RBMS3: variants seen among roughly 807,000 people sequenced by gnomAD.
The protein encoded by RBMS3 is RNA-binding motif, single-stranded-interacting protein 3.
RBMS3 carries 27 observed loss-of-function variants against 66.8 expected under a neutral mutation model. The ratio of observed to expected loss-of-function variants is 0.40; its 90% confidence interval spans 0.30 to 0.56. RBMS3 has a LOEUF of 0.56. RBMS3 is among the 20% of genes least tolerant of loss of function. The pLI, the probability that RBMS3 is intolerant of heterozygous loss-of-function variation, is 0.40. For synonymous variants in RBMS3, 188 were observed against 183.0 expected, an observed-to-expected ratio of 1.03 and a Z score of -0.22; for missense variants, 513 against 549.5, an observed-to-expected ratio of 0.93 and a Z score of 0.66.
At chr3:29,836,781 C>CTATA (rs34553455) in intron 6 of RBMS3, among the ~76,000 whole-genome samples, 7,834 of 145,890 alleles carry the variant, frequency 0.054, 241 homozygotes, top group African/African-American at 0.081. Flanking sequence ...AACCATTTCA[C>CTATA]TATATATATA....
At chr3:29,580,899 T>A (rs1380088716) in intron 3 of RBMS3, among the ~76,000 whole-genome samples, 1 of 152,122 alleles carries the variant, frequency 6.6e-6, no homozygotes, top group Non-Finnish European at 1.5e-5. Flanking sequence ...CCCATGTTAT[T>A]TTACTCTGTT....
At chr3:29,889,069 A>G (rs766592321) in intron 8 of RBMS3, among the ~76,000 whole-genome samples, 1 of 151,728 alleles carries the variant, frequency 6.6e-6, no homozygotes, top group Non-Finnish European at 1.5e-5. Context: ...TAACTACAGA[A>G]CAACACTCAA....
chr3:29,922,283 C>T (rs867183953), intron 10 of RBMS3, among the ~76,000 whole-genome samples: 19 of 151,506 alleles, frequency 1.3e-4, no homozygotes, highest in Non-Finnish European at 2.1e-4. Flanking sequence ...GTCAGGAGAT[C>T]GAGACCATCC....
intron 6 of RBMS3, among the ~76,000 whole-genome samples, chr3:29,826,813 C>T (rs887458345): frequency 3.9e-5 from 6 of 152,104 alleles, no homozygotes; most frequent in Admixed American, 3.3e-4. Context: ...GCAATCCTTT[C>T]ACTTTTCTAA....
At chr3:29,935,407 A>G (rs1403808121) in intron 10 of RBMS3, among the ~76,000 whole-genome samples, 1 of 152,148 alleles carries the variant, frequency 6.6e-6, no homozygotes, top group Non-Finnish European at 1.5e-5. Context: ...TTATTTTTAA[A>G]AAAAAATTGT....
intron 12 of RBMS3, among the ~76,000 whole-genome samples, chr3:29,956,652 A>G (rs1696064663): frequency 6.6e-6 from 1 of 152,168 alleles, no homozygotes. Context: ...TCTAAAATTT[A>G]AAAGTATCTC....
At chr3:29,637,416 T>A (rs1218157650) in intron 4 of RBMS3, among the ~76,000 whole-genome samples, 2 of 151,876 alleles carry the variant, frequency 1.3e-5, no homozygotes, top group Non-Finnish European at 2.9e-5. Flanking sequence ...AATGAAAGGA[T>A]CCTTCCTCTT....
chr3:29,881,440 A>T (rs1191280887), intron 7 of RBMS3, among the ~76,000 whole-genome samples: 1 of 152,162 alleles, frequency 6.6e-6, no homozygotes, highest in African/African-American at 2.4e-5. Context: ...GGTATTATTA[A>T]ACCATTTAAA....
intron 6 of RBMS3, among the ~76,000 whole-genome samples, chr3:29,772,981 T>G (rs1406984059): frequency 6.6e-6 from 1 of 152,034 alleles, no homozygotes; most frequent in Admixed American, 6.6e-5. Context: ...ACTTAAACTA[T>G]CTGACACCAT....
intron 4 of RBMS3, among the ~76,000 whole-genome samples, chr3:29,662,762 T>C (rs1040947054): frequency 6.6e-6 from 1 of 152,202 alleles, no homozygotes; most frequent in African/African-American, 2.4e-5. Flanking sequence ...GTGAGAGACA[T>C]GGCAGTATAG....
At chr3:29,407,960 A>G (rs527252203) in intron 1 of RBMS3, among the ~76,000 whole-genome samples, 60 of 152,108 alleles carry the variant, frequency 3.9e-4, no homozygotes, top group Non-Finnish European at 7.9e-4. Context: ...AATTTACTCA[A>G]TTTTCAAAGT....
chr3:29,797,324 G>C (rs956836838), intron 6 of RBMS3, among the ~76,000 whole-genome samples: 1 of 152,174 alleles, frequency 6.6e-6, no homozygotes, highest in African/African-American at 2.4e-5. Flanking sequence ...GACTCTGCTA[G>C]CTTCCAACTT....
rs888367653 is a variant in RBMS3, at chr3:29,365,992, A to G, written c.76-68751A>G. 3.5e-4 allele frequency among the ~76,000 whole-genome samples: 53 copies of G among 152,098 alleles called. 1 individual carries two copies. Among genetic ancestry groups the G allele is most frequent in the Admixed American group, 3.5e-3 (53 of 15,238 alleles). ...TAAGTGATTTTACTCATTTGCTCTT[A>G]TTATTTTGACTGAAGGAAAAAAGTC... On this transcript the variant is annotated intron_variant, in intron 1 of 14. Coordinates refer to ENST00000383767, the MANE Select transcript of RBMS3 (RefSeq NM_001003793.3).
At position 29,714,893 on chromosome 3, in the gene RBMS3, T is replaced by G. The variant is rs2053326281; in HGVS notation, c.400-24827T>G. Among the ~76,000 whole-genome samples the G allele has an allele frequency of 3.9e-5, 6 of 152,272 alleles. No homozygotes were observed. The South Asian group carries it at 1.2e-3, about 32-fold the overall frequency. On this transcript the variant is annotated intron_variant, in intron 4 of 14. Coordinates refer to ENST00000383767, the MANE Select transcript of RBMS3 (RefSeq NM_001003793.3). ...GCAGTTACAGACCTTGAGGTGAATC[T>G]TTTTCTCCTGGGCCTTAGTCTGATT...
chr3:29,283,387 C>A (rs2031987347), intron 1 of RBMS3, among the ~76,000 whole-genome samples: 1 of 152,020 alleles, frequency 6.6e-6, no homozygotes, highest in Non-Finnish European at 1.5e-5. Flanking sequence ...TAACCTATTA[C>A]TAACAGGAAA....
chr3:29,610,144 A>T (rs2048445453), intron 4 of RBMS3, among the ~76,000 whole-genome samples: 1 of 152,050 alleles, frequency 6.6e-6, no homozygotes, highest in South Asian at 2.1e-4. Flanking sequence ...ACAAATATCC[A>T]GGGAGATATG....
chr3:29,963,820 GC>G (rs56679567), intron 12 of RBMS3, among the ~76,000 whole-genome samples: 1 of 86,084 alleles, frequency 1.2e-5, no homozygotes, highest in Non-Finnish European at 2.3e-5. Context: ...GAACCAGGCT[GC>G]CCCCTCCAAA....
intron 12 of RBMS3, among the ~76,000 whole-genome samples, chr3:29,958,571 C>A (rs1301435933): frequency 6.6e-6 from 1 of 151,722 alleles, no homozygotes; most frequent in African/African-American, 2.4e-5. Flanking sequence ...TTTTTTTAAT[C>A]CTCTAAACTC....
intron 3 of RBMS3, among the ~76,000 whole-genome samples, chr3:29,523,302 T>G (rs1341823788): frequency 6.6e-6 from 1 of 152,218 alleles, no homozygotes; most frequent in Admixed American, 6.5e-5. Context: ...TTGAACAAAA[T>G]GATTTTCTAA....
Sources: gnomAD v4.1 joint callset for allele counts (sites outside exome capture counted in the v4.1 genomes callset) on GRCh38, gnomAD v4.1.1 for gene constraint, MANE v1.5 for transcripts, NCBI Gene and HGNC (gene_info 2026-07-23, HGNC 2026-07-21) for gene names.